QDPR: variants seen among roughly 807,000 people sequenced by gnomAD.
The protein encoded by QDPR is dihydropteridine reductase.
In QDPR, 23 loss-of-function variants were observed where a neutral mutation model predicts 31.7. That is an observed-to-expected ratio of 0.73 (90% CI 0.52 to 1.03). QDPR has a LOEUF of 1.03. Among genes scored for constraint, QDPR ranks in the 50% least tolerant of loss-of-function variants. The pLI, the probability that QDPR is intolerant of heterozygous loss-of-function variation, is 0.00. For synonymous variants in QDPR, 124 were observed against 124.7 expected (o/e 0.99, Z 0.03); for missense variants, 324 against 323.8 (o/e 1.00, Z 0.00).
intron 1 of QDPR, among the ~76,000 whole-genome samples, chr4:17,511,318 CTT>C (rs971062909): frequency 6.6e-6 from 1 of 152,208 alleles, no homozygotes; most frequent in Non-Finnish European, 1.5e-5. Flanking sequence ...TTGAAATAGT[CTT>C]TGCAGAGCAA....
rs368195979 is a variant in QDPR at position 17,509,306 on chromosome 4, T to C, written c.163A>G (p.Lys55Glu). 1 of 1,614,160 alleles carries C rather than the reference T, an allele frequency of 6.2e-7. No individual in the cohort carries two copies. ...NEEASASIIV[K>E]MTDSFTEQAD... ...TGCTCAGTGAACGAGTCTGTCATTT[T>C]AACAATGATGCTAGCGCTGGCCTCT... Residue 55 changes from lysine to glutamate, a missense_variant, in exon 2 of 7, where the codon AAA (lysine) becomes GAA (glutamate). Transcript: ENST00000281243.
rs1439583505 is a variant in QDPR, at chr4:17,487,862, A to G, written c.630-626T>C. 5.3e-5 allele frequency among the ~76,000 whole-genome samples: 8 copies of G among 152,212 alleles called. 1 individual carries two copies. The highest frequency in any genetic ancestry group is 5.2e-4 in the Admixed American group (8 of 15,286). On this transcript the variant is annotated intron_variant, in intron 6 of 6. Coordinates refer to ENST00000281243, the MANE Select transcript of QDPR (RefSeq NM_000320.3). ...TGGACACATACCCAGGCCCCCAGTG[A>G]GTTCAGTGGTGTACTCATTCTAATC...
At chr4:17,502,119 G>A (rs1411880055) in intron 3 of QDPR, among the ~76,000 whole-genome samples, 1 of 152,154 alleles carries the variant, frequency 6.6e-6, no homozygotes, top group East Asian at 1.9e-4. Context: ...AAATAAACCT[G>A]GAGTTTACTG....
chr4:17,503,412 T>C (rs1345905089), intron 3 of QDPR, among the ~76,000 whole-genome samples: 2 of 152,206 alleles, frequency 1.3e-5, no homozygotes, highest in African/African-American at 4.8e-5. Flanking sequence ...TTAGGTACAA[T>C]GGTACCATAA....
chr4:17,509,886 G>C (rs949434326), intron 1 of QDPR: 3 of 452,530 alleles, frequency 6.6e-6, no homozygotes, highest in African/African-American at 6.0e-5. Context: ...CACTTCTAGA[G>C]ACATCAAGGG....
At chr4:17,509,769 T>C (rs1227232271) in intron 1 of QDPR, among the ~76,000 whole-genome samples, 1 of 151,802 alleles carries the variant, frequency 6.6e-6, no homozygotes. Context: ...TGGAGACAGG[T>C]AAGAGGCTTC....
At chr4:17,505,473 C>T (rs2518612) in intron 2 of QDPR, among the ~76,000 whole-genome samples, 36,541 of 152,074 alleles carry the variant, frequency 0.24, 5,068 homozygotes, top group South Asian at 0.37. Context: ...TCTCGAACTC[C>T]TGACCTCAGG....
chr4:17,501,972 T>A, intron 3 of QDPR, 113 bp from the exon 4 acceptor site: 1 of 1,318,138 alleles, frequency 7.6e-7, no homozygotes, highest in Non-Finnish European at 1.1e-6. Flanking sequence ...CCCAGGTCCC[T>A]ATCTACAGCA....
chr4:17,504,294 G>A lies in QDPR; in HGVS notation c.295+85C>T, dbSNP rs990005284. 7 of 1,146,854 alleles carry A rather than the reference G, an allele frequency of 6.1e-6. No homozygotes were observed. The South Asian group carries it at 6.3e-5, about 10-fold the overall frequency. The allele number at this position is 1,146,854 out of a possible 1,614,324, so 71.0% of individuals were successfully genotyped here. A position where few individuals can be genotyped will look rare whatever the true frequency, so the allele number is the denominator to read the frequency against. Reference sequence around the variant, plus strand: ...CCGGGATATACACAAAAAAACAGCTGGCCTGTCACCTAGTGCAAACCCAAT... The same window carrying A: ...CCGGGATATACACAAAAAAACAGCTAGCCTGTCACCTAGTGCAAACCCAAT... On this transcript the variant is annotated intron_variant, in intron 3 of 6. Transcript: ENST00000281243.
chr4:17,491,234 G>C (rs969325489), intron 5 of QDPR, among the ~76,000 whole-genome samples: 2 of 152,154 alleles, frequency 1.3e-5, no homozygotes, highest in Non-Finnish European at 2.9e-5. Flanking sequence ...ATTCAGATAT[G>C]CATGAATCTC....
intron 4 of QDPR, among the ~76,000 whole-genome samples, chr4:17,496,442 CAAAA>C (rs747311750): frequency 4.8e-4 from 31 of 64,616 alleles, no homozygotes; most frequent in African/African-American, 1.2e-3. Flanking sequence ...AAAACTGTCT[CAAAA>C]AAAAAAAAAA....
intron 4 of QDPR, among the ~76,000 whole-genome samples, chr4:17,496,396 A>G (rs1718351815): frequency 7.3e-6 from 1 of 136,092 alleles, no homozygotes; most frequent in South Asian, 2.6e-4. Flanking sequence ...GTGAGCCAAG[A>G]TTGCGCCATT....
At chr4:17,502,021 A>G (rs894899201) in intron 3 of QDPR, among the ~76,000 whole-genome samples, 162 bp from the exon 4 acceptor site, 1 of 152,232 alleles carries the variant, frequency 6.6e-6, no homozygotes, top group African/African-American at 2.4e-5. Flanking sequence ...GTGGTCAGAG[A>G]CACAGGTTCA....
intron 2 of QDPR, among the ~76,000 whole-genome samples, chr4:17,508,561 G>T (rs1718872238): frequency 6.6e-6 from 1 of 151,214 alleles, no homozygotes; most frequent in South Asian, 2.1e-4. Context: ...ATAAATTGTG[G>T]CCATTCCATA....
At position 17,490,749 on chromosome 4, in the gene QDPR, C is replaced by T. The variant is rs758239518; in HGVS notation, c.546-4G>A. 1 of 1,611,138 alleles carries T rather than the reference C, an allele frequency of 6.2e-7. No individual in the cohort carries two copies. Among genetic ancestry groups the T allele is most frequent in the African/African-American group, 1.3e-5 (1 of 74,860 alleles). ...CATCGGGGTATCCAGGGTAACCCTG[C>T]AATGGACACAGATAAGCACGTCATT... On this transcript the variant is annotated splice_polypyrimidine_tract_variant and splice_region_variant and intron_variant, in intron 5 of 6. Transcript: ENST00000281243.
intron 2 of QDPR, among the ~76,000 whole-genome samples, chr4:17,505,712 T>C (rs560624954): frequency 7.9e-4 from 120 of 152,290 alleles, no homozygotes; most frequent in African/African-American, 2.8e-3. Context: ...TAAAAAAGAC[T>C]TAAATCAACA....
intron 4 of QDPR, among the ~76,000 whole-genome samples, chr4:17,496,401 G>A (rs1408324222): frequency 3.2e-5 from 4 of 125,580 alleles, no homozygotes; most frequent in East Asian, 2.8e-4. Context: ...CCAAGATTGC[G>A]CCATTGCACT....
rs538565484 is a variant in QDPR, at chr4:17,506,379, C to T, written c.199-1904G>A. Among the ~76,000 whole-genome samples the T allele has an allele frequency of 3.3e-5, 5 of 152,326 alleles. No homozygotes were observed. In the East Asian group the frequency reaches 9.7e-4, roughly 29 times the overall value. ...CTCCTGGGCTCAAGTGATCCTCCTG[C>T]CTCAGCCTCCTGAAGTGCTGGGACT... On this transcript the variant is annotated intron_variant, in intron 2 of 6. Coordinates refer to ENST00000281243, the MANE Select transcript of QDPR (RefSeq NM_000320.3).
In QDPR at chr4:17,504,374, C is replaced by T; in HGVS notation, c.295+5G>A. On this transcript the variant is annotated splice_donor_5th_base_variant and intron_variant, in intron 3 of 6. Coordinates refer to ENST00000281243, the MANE Select transcript of QDPR (RefSeq NM_000320.3). ...AACAAATGAGTGACTCAGGAAAGGA[C>T]TCACACTTGGATTTGGCATTGCCCC... 1 of 1,611,140 alleles carries T rather than the reference C, an allele frequency of 6.2e-7. No individual in the cohort carries two copies. Among genetic ancestry groups the T allele is most frequent in the Non-Finnish European group, 8.5e-7 (1 of 1,177,216 alleles).
Sources: gnomAD v4.1 joint callset for allele counts (sites outside exome capture counted in the v4.1 genomes callset) on GRCh38, gnomAD v4.1.1 for gene constraint, MANE v1.5 for transcripts, NCBI Gene and HGNC (gene_info 2026-07-23, HGNC 2026-07-21) for gene names.